CDC14B: variants seen among roughly 807,000 people sequenced by gnomAD.
CDC14B encodes dual specificity protein phosphatase CDC14B.
A neutral mutation model predicts 64.2 loss-of-function variants in CDC14B; 22 were observed. The ratio of observed to expected loss-of-function variants is 0.34; its 90% CI spans 0.24 to 0.49. The LOEUF is 0.49. Among genes scored for constraint, CDC14B ranks in the 20% least tolerant of loss-of-function variants. The probability of loss-of-function intolerance (pLI) is 0.99; values close to 1 mark genes in which losing one functional copy is unlikely to be tolerated. For synonymous variants in CDC14B, 191 were observed against 215.8 expected (o/e 0.89, Z 1.01); for missense variants, 498 against 629.9 (o/e 0.79, Z 2.24).
intron 1 of CDC14B, among the ~76,000 whole-genome samples, chr9:96,573,965 G>A (rs16911309): frequency 0.017 from 2,585 of 152,228 alleles, 78 homozygotes; most frequent in African/African-American, 0.059. Flanking sequence ...GGCTAACGTG[G>A]TGAAACCCTG....
rs1843767680 is a variant in CDC14B, at chr9:96,565,395, C to T, written c.249G>A (p.Glu83=). The T allele has an allele frequency of 3.8e-6, 6 of 1,568,526 alleles. 1 individual carries two copies. In the Middle Eastern group the frequency reaches 1.0e-3, roughly 262 times the overall value. The change falls in exon 2 of 14, where the codon GAG becomes GAA. Residue 83 remains glutamate, a splice_region_variant and synonymous_variant. Transcript: ENST00000375241. Reference sequence around the variant, plus strand: ...ATCTTTTAAAGAGCAATACTTACTTCTCATATTCAAGTTCATTATCTATGC... The same window carrying T: ...ATCTTTTAAAGAGCAATACTTACTTTTCATATTCAAGTTCATTATCTATGC... ...YFSIDNELEY[E]NFYADFGPLN...
At chr9:96,598,167 G>A (rs1846206006) in intron 1 of CDC14B, among the ~76,000 whole-genome samples, 1 of 152,116 alleles carries the variant, frequency 6.6e-6, no homozygotes, top group Non-Finnish European at 1.5e-5. Flanking sequence ...ATTGGAAACA[G>A]CCCAATAGAA....
chr9:96,554,025 A>G (rs1190554141), intron 4 of CDC14B, among the ~76,000 whole-genome samples: 1 of 152,022 alleles, frequency 6.6e-6, no homozygotes, highest in Admixed American at 6.6e-5. Context: ...ATTACCCTGC[A>G]TGGTGGCAGG....
chr9:96,562,629 T>C, intron 4 of CDC14B, 64 bp downstream of exon 4: 1 of 1,043,440 alleles, frequency 9.6e-7, no homozygotes, highest in Non-Finnish European at 1.5e-6. Context: ...AAATTCCAAC[T>C]GCAAATGTAA....
At chr9:96,493,952 G>A (rs935793724) in intron 13 of CDC14B, among the ~76,000 whole-genome samples, 3 of 152,108 alleles carry the variant, frequency 2.0e-5, no homozygotes, top group Admixed American at 6.5e-5. Context: ...TCCCCTCCAC[G>A]CCAGTGCTGC....
chr9:96,529,915 G>A (rs750996076), intron 9 of CDC14B, among the ~76,000 whole-genome samples: 17 of 152,028 alleles, frequency 1.1e-4, no homozygotes, highest in Non-Finnish European at 2.5e-4. Flanking sequence ...TTCTATTTTT[G>A]CAAGAAATGT....
At chr9:96,543,295 T>C (rs1019839026) in intron 5 of CDC14B, among the ~76,000 whole-genome samples, 15 of 149,450 alleles carry the variant, frequency 1.0e-4, no homozygotes, top group African/African-American at 1.5e-4. Context: ...GCTTGCGCCA[T>C]TGCACTCCAG....
At chr9:96,557,607 A>G (rs910936479) in intron 4 of CDC14B, among the ~76,000 whole-genome samples, 2 of 152,226 alleles carry the variant, frequency 1.3e-5, no homozygotes, top group Non-Finnish European at 2.9e-5. Flanking sequence ...TGTAGAGGCA[A>G]TCTCAAATTT....
At position 96,619,818 on chromosome 9, in the gene CDC14B, G is replaced by A. The variant is rs1847863100; in HGVS notation, c.-440C>T. ...GACGCGGCTCGTGGGGACCCCAGGA[G>A]GGCTGTTCCGTGGCGCTTCATTCAC... On this transcript the variant is annotated 5_prime_UTR_variant, in exon 1 of 14. Transcript: ENST00000375241. 1 of 151,934 alleles carries A rather than the reference G, an allele frequency of 6.6e-6. No individual in the cohort carries two copies. The highest frequency in any genetic ancestry group is 1.5e-5 in the Non-Finnish European group (1 of 67,914). 9.4% of individuals were successfully genotyped at this position (151,934 alleles called of 1,614,324 possible). A position where few individuals can be genotyped will look rare whatever the true frequency, so the allele number is the denominator to read the frequency against.
In CDC14B at chr9:96,523,669, T is replaced by A. The variant is rs748051828; in HGVS notation, c.1003A>T (p.Met335Leu). ...IACYIMKHYR[M>L]TAAETIAWVR... ...CACGCAATGGTCTCGGCTGCTGTCATCCTGTAATGCTTCATGATGTAGCAG... is the reference window on the plus strand; with the variant it reads ...CACGCAATGGTCTCGGCTGCTGTCAACCTGTAATGCTTCATGATGTAGCAG... The change falls in exon 10 of 14, where the codon ATG (methionine) becomes TTG (leucine). Residue 335 changes from methionine to leucine, a missense_variant. Met to Leu is a conservative substitution (Grantham distance 15). Coordinates refer to ENST00000375241, the MANE Select transcript of CDC14B (RefSeq NM_033331.4). 1.9e-6 allele frequency: 3 copies of A among 1,614,140 alleles called. No homozygotes were observed. Among genetic ancestry groups the A allele is most frequent in the East Asian group, 4.5e-5 (2 of 44,886 alleles).
At chr9:96,529,324 GAA>G (rs1324188723) in intron 9 of CDC14B, among the ~76,000 whole-genome samples, 1 of 152,056 alleles carries the variant, frequency 6.6e-6, no homozygotes, top group East Asian at 1.9e-4. Context: ...ACCATTTGTT[GAA>G]AAGACTGTCC....
chr9:96,579,842 G>A (rs1168000875), intron 1 of CDC14B, among the ~76,000 whole-genome samples: 5 of 152,132 alleles, frequency 3.3e-5, no homozygotes, highest in African/African-American at 1.2e-4. Flanking sequence ...GAAGACAGAT[G>A]ACAACACTAG....
chr9:96,546,879 A>G (rs1177320720), intron 5 of CDC14B, among the ~76,000 whole-genome samples: 1 of 151,866 alleles, frequency 6.6e-6, no homozygotes, highest in African/African-American at 2.4e-5. Flanking sequence ...TGGCTAACAC[A>G]GTGAAACCCC....
intron 4 of CDC14B, among the ~76,000 whole-genome samples, chr9:96,562,180 C>A (rs1430227989): frequency 6.6e-6 from 1 of 152,148 alleles, no homozygotes; most frequent in Non-Finnish European, 1.5e-5. Context: ...ACAACACTGA[C>A]ATCCCGTGGC....
In CDC14B at chr9:96,591,838, C is replaced by T. The variant is rs1441888369; in HGVS notation, c.161-26355G>A. Among the ~76,000 whole-genome samples the T allele has an allele frequency of 2.6e-5, 4 of 151,502 alleles. 1 individual carries two copies. The South Asian group carries it at 6.3e-4, about 24-fold the overall frequency. On this transcript the variant is annotated intron_variant, in intron 1 of 13. Coordinates refer to ENST00000375241, the MANE Select transcript of CDC14B (RefSeq NM_033331.4). ...TAGGCTCACTGCAAGCTCCGCCTCC[C>T]GGGTTCACGCCATTCTCCTGACTCA... is the stretch of plus-strand genomic sequence containing the variant.
intron 1 of CDC14B, among the ~76,000 whole-genome samples, chr9:96,614,066 T>G (rs1173664484): frequency 6.6e-6 from 1 of 152,146 alleles, no homozygotes; most frequent in Non-Finnish European, 1.5e-5. Flanking sequence ...CAATTAGTGT[T>G]TTTCCAATAA....
intron 13 of CDC14B, among the ~76,000 whole-genome samples, chr9:96,494,601 C>G (rs1833169653): frequency 6.6e-6 from 1 of 152,228 alleles, no homozygotes; most frequent in Admixed American, 6.5e-5. Context: ...ATTTCCCAAA[C>G]CAGATTGCAA....
intron 13 of CDC14B, among the ~76,000 whole-genome samples, chr9:96,504,597 C>A (rs1053878083): frequency 9.9e-5 from 15 of 152,180 alleles, no homozygotes; most frequent in African/African-American, 3.4e-4. Flanking sequence ...TTCAAAGGAT[C>A]ATTAATATTT....
At chr9:96,544,534 G>A (rs1429387514) in intron 5 of CDC14B, among the ~76,000 whole-genome samples, 1 of 152,072 alleles carries the variant, frequency 6.6e-6, no homozygotes, top group Non-Finnish European at 1.5e-5. Flanking sequence ...TCACTATGTT[G>A]CCCAGGCTGG....
Sources: gnomAD v4.1 joint callset for allele counts (sites outside exome capture counted in the v4.1 genomes callset) on GRCh38, gnomAD v4.1.1 for gene constraint, MANE v1.5 for transcripts, NCBI Gene and HGNC (gene_info 2026-07-23, HGNC 2026-07-21) for gene names.